Variants in PRCP observed in about 807,000 individuals in gnomAD.
PRCP encodes the protein lysosomal Pro-X carboxypeptidase.
PRCP carries 46 observed loss-of-function variants against 54.2 expected under a neutral mutation model. The observed-to-expected ratio is 0.85, with a 90% CI of 0.67 to 1.09. The LOEUF (loss-of-function observed/expected upper bound fraction) is 1.09, where lower values mean the gene tolerates loss of function less well. Ranked by LOEUF, PRCP falls within the 50% of genes least tolerant of loss-of-function variation. The pLI is 0.00. For missense variants in PRCP, 613 were observed against 596.8 expected (o/e 1.03, Z -0.28); for synonymous variants, 240 against 212.2 (o/e 1.13, Z -1.14).
chr11:82,857,818 A>C (rs1382717455), intron 2 of PRCP, among the ~76,000 whole-genome samples: 1 of 152,186 alleles, frequency 6.6e-6, no homozygotes, highest in Non-Finnish European at 1.5e-5. Context: ...GGATCTACTC[A>C]TTCCCTGCCA....
intron 8 of PRCP, among the ~76,000 whole-genome samples, chr11:82,833,708 T>C (rs1283819762): frequency 1.3e-5 from 2 of 152,186 alleles, no homozygotes; most frequent in Non-Finnish European, 2.9e-5. Context: ...CCAAGTACTT[T>C]GATGGGCTAA....
At chr11:82,861,822 A>G (rs1381408386) in intron 1 of PRCP, among the ~76,000 whole-genome samples, 1 of 152,200 alleles carries the variant, frequency 6.6e-6, no homozygotes, top group Non-Finnish European at 1.5e-5. Flanking sequence ...ATGACCCTGG[A>G]TTGGATCCTA....
intron 1 of PRCP, among the ~76,000 whole-genome samples, chr11:82,878,513 T>C (rs554867977): frequency 2.6e-5 from 4 of 152,350 alleles, no homozygotes; most frequent in East Asian, 3.9e-4. Flanking sequence ...ATTCTCATGA[T>C]AGTGAATAAG....
rs150504400 is a variant in PRCP at position 82,900,195 on chromosome 11, C to T, written c.168+40G>A. On this transcript the variant is annotated intron_variant, in intron 1 of 8. Coordinates refer to ENST00000313010, the MANE Select transcript of PRCP (RefSeq NM_005040.4). ...GGGCTCTGAGGGTCAGGGTTCCCGG[C>T]GGTTGGGCCTGGGACGGCGAAGCCC... 226 of 1,606,944 alleles carry T rather than the reference C, an allele frequency of 1.4e-4. 2 individuals are homozygous for T. In the East Asian group the frequency reaches 3.8e-3, roughly 27 times the overall value.
In PRCP at chr11:82,892,832, C is replaced by T. The variant is rs181548606; in HGVS notation, c.168+7403G>A. ...ATTTTCAGTGTTTTCCATGTTGTTTCGATATAAGTTTGAGTATATGCAGTT... is the reference window on the plus strand; with the variant it reads ...ATTTTCAGTGTTTTCCATGTTGTTTTGATATAAGTTTGAGTATATGCAGTT... On this transcript the variant is annotated intron_variant, in intron 1 of 8. Coordinates refer to ENST00000313010, the MANE Select transcript of PRCP (RefSeq NM_005040.4). Among the ~76,000 whole-genome samples the T allele has an allele frequency of 3.9e-5, 6 of 152,238 alleles. No homozygotes were observed. The East Asian group carries it at 7.7e-4, about 20-fold the overall frequency.
At chr11:82,842,225 A>G (rs1858690735) in intron 6 of PRCP, among the ~76,000 whole-genome samples, 1 of 152,224 alleles carries the variant, frequency 6.6e-6, no homozygotes, top group South Asian at 2.1e-4. Context: ...CTCCACAAAT[A>G]GCAGTTACTG....
rs117093040 is a variant in PRCP, at chr11:82,875,030, A to C, written c.169-14913T>G. 5.2e-3 allele frequency among the ~76,000 whole-genome samples: 789 copies of C among 152,278 alleles called. 6 individuals carry two copies. The highest frequency in any genetic ancestry group is 8.2e-3 in the Non-Finnish European group (558 of 68,022). On this transcript the variant is annotated intron_variant, in intron 1 of 8. Transcript: ENST00000313010. ...GTTATAAACTGTAAAACTGTAAAAA[A>C]AAAAAACCTGTATAAAAAAAGTTAG...
chr11:82,890,143 CCTTA>C (rs1859969784), intron 1 of PRCP, among the ~76,000 whole-genome samples: 1 of 152,182 alleles, frequency 6.6e-6, no homozygotes, highest in South Asian at 2.1e-4. Flanking sequence ...CATCAAATGG[CCTTA>C]CTAACTTACA....
At chr11:82,882,875 A>ACACACACACT (rs71274460) in intron 1 of PRCP, among the ~76,000 whole-genome samples, 99 of 149,206 alleles carry the variant, frequency 6.6e-4, no homozygotes, top group African/African-American at 1.8e-3. Context: ...ACACACACAC[A>ACACACACACT]GCCCTACTGC....
At position 82,888,472 on chromosome 11, in the gene PRCP, C is replaced by T. The variant is rs117705040; in HGVS notation, c.168+11763G>A. ...AAATCATAAAAAGTTTACTTTAACA[C>T]TCCAATAATAAATACAGGTGGTACA... On this transcript the variant is annotated intron_variant, in intron 1 of 8. Transcript: ENST00000313010. 1.2e-3 allele frequency among the ~76,000 whole-genome samples: 177 copies of T among 152,320 alleles called. 3 individuals carry two copies. In the East Asian group the frequency reaches 0.031, roughly 27 times the overall value.
intron 8 of PRCP, chr11:82,829,218 A>G (rs986983104): frequency 3.9e-5 from 6 of 152,146 alleles, no homozygotes; most frequent in Non-Finnish European, 8.8e-5. Context: ...CCTTTTCTCA[A>G]AATGCTCCAA....
chr11:82,884,893 A>G (rs766232922), intron 1 of PRCP: 3 of 1,612,814 alleles, frequency 1.9e-6, no homozygotes, highest in Non-Finnish European at 2.5e-6. Flanking sequence ...GGCCTGCAGG[A>G]AGTAAAGGCT....
At chr11:82,843,326 G>C (rs569252079) in intron 6 of PRCP, 1 of 149,758 alleles carries the variant, frequency 6.7e-6, no homozygotes, top group African/African-American at 2.4e-5. Context: ...AAAAAAAGAC[G>C]AGTAGTTTAA....
rs779880590 is a variant in PRCP at position 82,849,133 on chromosome 11, G to A, written c.837C>T (p.Ile279=). The stretch of plus-strand genomic sequence containing the variant: ...TTGCCAGATTCACCCAGGTTTCAGA[G>A]ATCCAGTCTTTCAAATGTTGGATGT... The part of the protein sequence containing the change: ...SQDIQHLKDW[I]SETWVNLAMV... The change falls in exon 6 of 9, where the codon ATC becomes ATT. Residue 279 remains isoleucine (I), a synonymous_variant. Coordinates refer to ENST00000313010, the MANE Select transcript of PRCP (RefSeq NM_005040.4). 3.1e-6 allele frequency: 5 copies of A among 1,614,124 alleles called. No individual in the cohort carries two copies. The South Asian group carries it at 4.4e-5, about 14-fold the overall frequency.
chr11:82,900,817 G>A (rs1218893799), upstream of PRCP: 1 of 463,038 alleles, frequency 2.2e-6, no homozygotes, highest in Non-Finnish European at 4.3e-6. Context: ...CCTGGCCACC[G>A]CAATTCCATT....
At chr11:82,861,515 T>A (rs1859207433) in intron 1 of PRCP, among the ~76,000 whole-genome samples, 1 of 152,164 alleles carries the variant, frequency 6.6e-6, no homozygotes, top group Admixed American at 6.6e-5. Flanking sequence ...TTTGTTAGTA[T>A]CATCAATGGT....
At chr11:82,875,789 A>G (rs1048683059) in intron 1 of PRCP, among the ~76,000 whole-genome samples, 7 of 152,158 alleles carry the variant, frequency 4.6e-5, no homozygotes, top group African/African-American at 1.7e-4. Context: ...AGTGGTACAC[A>G]AGGCCGTAGC....
chr11:82,839,573 T>G (rs1252770892), intron 6 of PRCP, 148 bp from the exon 7 acceptor site: 5 of 829,774 alleles, frequency 6.0e-6, no homozygotes, highest in Non-Finnish European at 9.2e-6. Context: ...CTCTTGGGTT[T>G]AATCCCCTCC....
At chr11:82,826,439 A>G (rs1286482369) in intron 8 of PRCP, 1 of 152,170 alleles carries the variant, frequency 6.6e-6, no homozygotes, top group Non-Finnish European at 1.5e-5. Context: ...ATTCACATAC[A>G]AGTTTTTGTG....
Sources: allele counts gnomAD v4.1 joint callset (sites outside exome capture counted in the v4.1 genomes callset), GRCh38; gene constraint gnomAD v4.1.1; transcripts MANE v1.5; gene names NCBI Gene and HGNC (gene_info 2026-07-23, HGNC 2026-07-21).